The following RASAL3 variants were observed in gnomAD, a reference collection of about 807,000 sequenced individuals.
RASAL3 encodes the protein RAS protein activator like-3.
Under a neutral mutation model 105.5 loss-of-function variants are expected in RASAL3, and 74 were observed. That is an observed-to-expected ratio of 0.70 (90% CI 0.58 to 0.85). The LOEUF (loss-of-function observed/expected upper bound fraction) is 0.85, where lower values mean the gene tolerates loss of function less well. Among genes scored for constraint, RASAL3 ranks in the 40% least tolerant of loss-of-function variants. RASAL3 has a pLI of 0.00. For missense variants in RASAL3, 1,352 were observed against 1,392.0 expected, an observed-to-expected ratio of 0.97 and a Z score of 0.46; for synonymous variants, 579 against 591.6, an observed-to-expected ratio of 0.98 and a Z score of 0.31.
intron 14 of RASAL3, 52 bp downstream of exon 14, chr19:15,454,097 C>T: frequency 7.5e-7 from 1 of 1,339,246 alleles, no homozygotes; most frequent in Non-Finnish European, 1.0e-6. Context: ...CTGTCTGAGC[C>T]CTGCTCCTTC....
At position 15,457,256 on chromosome 19, in the gene RASAL3, C is replaced by G; in HGVS notation, c.1431+36G>C. 2 of 1,247,850 alleles carry G rather than the reference C, an allele frequency of 1.6e-6. No individual in the cohort carries two copies. 77.3% of individuals were successfully genotyped at this position (1,247,850 alleles called of 1,614,324 possible). A position where few individuals can be genotyped will look rare whatever the true frequency, so the allele number is the denominator to read the frequency against. The stretch of plus-strand genomic sequence containing the variant: ...CCCGAAGCGCGTTATCGGTCTACCC[C>G]TGGTAGCCCCGGTCCGCGCTGTCGC... On this transcript the variant is annotated intron_variant, in intron 9 of 17. Transcript: ENST00000343625. The surrounding 1 kb of genome is among the most constrained non-coding windows in gnomAD (Gnocchi z 8.6).
chr19:15,455,910 T>C (rs1970299221), intron 11 of RASAL3, among the ~76,000 whole-genome samples, 194 bp downstream of exon 11: 1 of 152,200 alleles, frequency 6.6e-6, no homozygotes, highest in South Asian at 2.1e-4. Context: ...CTCGGCCTCC[T>C]AAAGCATTGG....
Position 15,454,077 on chromosome 19 carries a change from C to T in RASAL3, c.2279+72G>A. 5.4e-6 allele frequency: 6 copies of T among 1,114,122 alleles called. No homozygotes were observed. In the South Asian group the frequency reaches 5.9e-5, roughly 11 times the overall value. The allele number at this position is 1,114,122 out of a possible 1,614,324, so 69.0% of individuals were successfully genotyped here. ...CTCTGCTCACAATGATCCAACTTCA[C>T]CTCTGACCCCTGTCTGAGCCCTGCT... On this transcript the variant is annotated intron_variant, in intron 14 of 17. Coordinates refer to ENST00000343625, the MANE Select transcript of RASAL3 (RefSeq NM_022904.3).
chr19:15,455,389 T>C (rs1333925232), intron 11 of RASAL3, among the ~76,000 whole-genome samples: 2 of 152,120 alleles, frequency 1.3e-5, no homozygotes, highest in African/African-American at 4.8e-5. Flanking sequence ...TGTGATCAGT[T>C]GCATGGGATT....
At chr19:15,455,631 A>G (rs1036931371) in intron 11 of RASAL3, among the ~76,000 whole-genome samples, 2 of 152,216 alleles carry the variant, frequency 1.3e-5, no homozygotes, top group Admixed American at 6.5e-5. Context: ...ATCCAGTTAA[A>G]CATGAATTTC....
At chr19:15,455,723 T>A (rs1246655490) in intron 11 of RASAL3, among the ~76,000 whole-genome samples, 1 of 152,244 alleles carries the variant, frequency 6.6e-6, no homozygotes, top group East Asian at 1.9e-4. Context: ...TGCTGTGGCA[T>A]GATCATAGCT....
chr19:15,461,858 A>G (rs535121330), intron 2 of RASAL3, among the ~76,000 whole-genome samples: 1 of 152,266 alleles, frequency 6.6e-6, no homozygotes, highest in African/African-American at 2.4e-5. Flanking sequence ...ACCTTCTTGC[A>G]TTGAATCCTC....
Position 15,454,839 on chromosome 19 carries a change from T to C in RASAL3, c.1776A>G (p.Lys592=), listed in dbSNP as rs1970269498. ...IVFSSWREAC[K]ERGSEVLGPR... The stretch of plus-strand genomic sequence containing the variant: ...GGCCCAGCACCTCAGAGCCACGTTC[T>C]TTACATGCTTCTCGCCAGCTTGAGA... Residue 592 remains lysine (K), a synonymous_variant, in exon 12 of 18, where the codon AAA becomes AAG. Coordinates refer to ENST00000343625, the MANE Select transcript of RASAL3 (RefSeq NM_022904.3). 6.3e-7 allele frequency: 1 copy of C among 1,582,980 alleles called. No homozygotes were observed. The highest frequency in any genetic ancestry group is 1.2e-5 in the South Asian group (1 of 86,752).
At chr19:15,460,066 C>T in intron 6 of RASAL3, 137 bp downstream of exon 6, 2 of 717,100 alleles carry the variant, frequency 2.8e-6, no homozygotes, top group Non-Finnish European at 4.6e-6. Context: ...CATTCAATGT[C>T]CCCAGCATCA....
At chr19:15,461,357 G>T (rs1970503914) in intron 3 of RASAL3, 61 bp from the exon 4 acceptor site, 2 of 1,558,020 alleles carry the variant, frequency 1.3e-6, no homozygotes, top group African/African-American at 1.4e-5. Flanking sequence ...CAGGCAGGCA[G>T]ACCGAGGGAG....
At chr19:15,455,882 C>G (rs1166413348) in intron 11 of RASAL3, among the ~76,000 whole-genome samples, 1 of 152,126 alleles carries the variant, frequency 6.6e-6, no homozygotes, top group East Asian at 1.9e-4. Context: ...AACTCCTGGG[C>G]TCAAGCAATC....
At position 15,456,477 on chromosome 19, in the gene RASAL3, T is replaced by G; in HGVS notation, c.1576+25A>C. The G allele has an allele frequency of 6.2e-7, 1 of 1,612,014 alleles. No individual in the cohort carries two copies. Among genetic ancestry groups the G allele is most frequent in the South Asian group, 1.1e-5 (1 of 90,900 alleles). ...GTCCCCTAGCTCACCAGCAGGCCGC[T>G]GACATGGACTCTCCCCCAGCTCACC... is the stretch of plus-strand genomic sequence containing the variant. On this transcript the variant is annotated intron_variant, in intron 10 of 17. Transcript: ENST00000343625. The surrounding 1 kb of genome is among the most constrained non-coding windows in gnomAD (Gnocchi z 4.4).
Position 15,453,553 on chromosome 19 carries a change from C to A in RASAL3, c.2280-56G>T. ...CCACTGGCCCCTGAGACGACCCCAT[C>A]CCGACCTGACCAGAAGTGACCTCAC... On this transcript the variant is annotated intron_variant, in intron 14 of 17. Transcript: ENST00000343625. This position sits in a 1 kb window ranked among gnomAD's most constrained non-coding sequence, Gnocchi z 4.2. The A allele has an allele frequency of 6.9e-7, 1 of 1,444,858 alleles. No individual in the cohort carries two copies. The highest frequency in any genetic ancestry group is 1.5e-5 in the African/African-American group (1 of 66,158). The allele number at this position is 1,444,858 out of a possible 1,614,324, so 89.5% of individuals were successfully genotyped here. A position where few individuals can be genotyped will look rare whatever the true frequency, so the allele number is the denominator to read the frequency against.
rs114603771 is a variant in RASAL3, at chr19:15,461,182, C to T, written c.544+36G>A. 807 of 1,613,436 alleles carry T rather than the reference C, an allele frequency of 5.0e-4. 3 individuals carry two copies. The African/African-American group carries it at 9.1e-3, about 18-fold the overall frequency. On this transcript the variant is annotated intron_variant, in intron 4 of 17. Transcript: ENST00000343625. ...GATTCTGCCCCACTTTTAGAGCCTC[C>T]CAAATGCCCCAGGCCTTTCCACCCC...
At chr19:15,460,117 G>T in intron 6 of RASAL3, 86 bp downstream of exon 6, 1 of 1,126,358 alleles carries the variant, frequency 8.9e-7, no homozygotes, top group Non-Finnish European at 1.3e-6. Context: ...GGGGGTGTTT[G>T]GTGTAGATTG....
chr19:15,454,038 A>C, intron 14 of RASAL3, 111 bp downstream of exon 14: 1 of 760,224 alleles, frequency 1.3e-6, no homozygotes, highest in South Asian at 1.8e-5. Flanking sequence ...TTCCCGTCTG[A>C]CCCTGGGCTT....
rs914286973 is a variant in RASAL3 at position 15,461,389 on chromosome 19, C to A, written c.465+82G>T. 6.6e-6 allele frequency: 10 copies of A among 1,523,332 alleles called. No individual in the cohort carries two copies. The African/African-American group carries it at 6.9e-5, about 11-fold the overall frequency. The allele number at this position is 1,523,332 out of a possible 1,614,324, so 94.4% of individuals were successfully genotyped here. A position where few individuals can be genotyped will look rare whatever the true frequency, so the allele number is the denominator to read the frequency against. On this transcript the variant is annotated intron_variant, in intron 3 of 17. Coordinates refer to ENST00000343625, the MANE Select transcript of RASAL3 (RefSeq NM_022904.3). ...GGAGAGGCAGACACCTTCCCATTAT[C>A]CTCCCTCCAGCCCCTGCCTCTGTTC...
In RASAL3 at chr19:15,454,540, T is replaced by G. The variant is rs1188810029; in HGVS notation, c.1981A>C (p.Met661Leu). ...TCCAGGAAGCTATTCATGAAGCCCA[T>G]GTAGGCCTCCTTCTCACCGAACCTG... The part of the protein sequence containing the change: ...RAPFGEKEAY[M>L]GFMNSFLEEH... The change falls in exon 13 of 18, where the codon ATG (methionine) becomes CTG (leucine). Residue 661 changes from methionine (M) to leucine (L), a missense_variant. This residue lies in a region of RASAL3 where 920 missense variants were observed against 919.6 expected (regional missense o/e 1.00). Coordinates refer to ENST00000343625, the MANE Select transcript of RASAL3 (RefSeq NM_022904.3). 6.2e-7 allele frequency: 1 copy of G among 1,613,852 alleles called. No individual in the cohort carries two copies. The highest frequency in any genetic ancestry group is 1.7e-5 in the Admixed American group (1 of 60,002).
At chr19:15,462,960 A>AT (rs1970556799) in intron 2 of RASAL3, among the ~76,000 whole-genome samples, 1 of 152,094 alleles carries the variant, frequency 6.6e-6, no homozygotes, top group African/African-American at 2.4e-5. Context: ...CAAAAAAAAA[A>AT]TAAAAAAAAT....
Sources: gnomAD v4.1 joint callset for allele counts (sites outside exome capture counted in the v4.1 genomes callset) on GRCh38, gnomAD v4.1.1 for gene constraint, gnomAD v4.1.1 regional missense constraint, Gnocchi (gnomAD v3.1) non-coding constraint, MANE v1.5 for transcripts, NCBI Gene and HGNC (gene_info 2026-07-23, HGNC 2026-07-21) for gene names.